Variants in NDUFAF2 observed in about 807,000 individuals in gnomAD.
The protein encoded by NDUFAF2 is NADH:ubiquinone oxidoreductase complex assembly factor 2, also known as NADH dehydrogenase [ubiquinone] 1 alpha subcomplex assembly factor 2.
NDUFAF2 carries 13 observed loss-of-function variants against 22.8 expected under a neutral mutation model. The ratio of observed to expected loss-of-function variants is 0.57; its 90% CI spans 0.37 to 0.91. The LOEUF is 0.91. Ranked by LOEUF, NDUFAF2 falls within the 40% of genes least tolerant of loss-of-function variation. NDUFAF2 has a pLI of 0.01. For synonymous variants in NDUFAF2, 53 were observed against 64.2 expected, an observed-to-expected ratio of 0.83 and a Z score of 0.84; for missense variants, 162 against 195.2, an observed-to-expected ratio of 0.83 and a Z score of 1.01.
intron 3 of NDUFAF2, among the ~76,000 whole-genome samples, chr5:61,141,933 A>G (rs1741066045): frequency 6.6e-6 from 1 of 152,124 alleles, no homozygotes; most frequent in Non-Finnish European, 1.5e-5. Context: ...AGCTCAATGA[A>G]TGTTAGCAAT....
At chr5:61,050,169 C>A (rs1752007130) in intron 1 of NDUFAF2, among the ~76,000 whole-genome samples, 1 of 151,996 alleles carries the variant, frequency 6.6e-6, no homozygotes, top group Non-Finnish European at 1.5e-5. Flanking sequence ...TGCCTTACTA[C>A]ATTATTTTAC....
chr5:61,110,549 G>A (rs866073746), intron 3 of NDUFAF2, among the ~76,000 whole-genome samples: 12 of 152,022 alleles, frequency 7.9e-5, no homozygotes, highest in African/African-American at 2.9e-4. Flanking sequence ...TTCAATCTCA[G>A]TAGGTTGTAT....
chr5:61,066,214 A>G (rs1752226313), intron 1 of NDUFAF2, among the ~76,000 whole-genome samples: 1 of 152,068 alleles, frequency 6.6e-6, no homozygotes, highest in Non-Finnish European at 1.5e-5. Flanking sequence ...AAGAACACAC[A>G]GATAAATGCA....
chr5:60,973,722 A>T (rs1487296644), intron 1 of NDUFAF2, among the ~76,000 whole-genome samples: 1 of 152,222 alleles, frequency 6.6e-6, no homozygotes, highest in Admixed American at 6.5e-5. Context: ...GTTAAATCAC[A>T]TGCATTCTTA....
At chr5:60,971,116 T>A (rs907566501) in intron 1 of NDUFAF2, among the ~76,000 whole-genome samples, 2 of 149,684 alleles carry the variant, frequency 1.3e-5, no homozygotes, top group African/African-American at 4.9e-5. Context: ...ATTTTAATAT[T>A]TGAATCACAA....
chr5:61,086,871 C>G (rs1318719500), intron 2 of NDUFAF2, among the ~76,000 whole-genome samples: 1 of 152,070 alleles, frequency 6.6e-6, no homozygotes, highest in Non-Finnish European at 1.5e-5. Flanking sequence ...CCATACATGT[C>G]TAACATCGAA....
chr5:60,952,529 A>G (rs756107692), intron 1 of NDUFAF2, among the ~76,000 whole-genome samples: 8 of 152,090 alleles, frequency 5.3e-5, no homozygotes, highest in Non-Finnish European at 7.4e-5. Flanking sequence ...GTTTAATTCT[A>G]TTATATTCAG....
chr5:61,049,217 A>G (rs1239052003), intron 1 of NDUFAF2, among the ~76,000 whole-genome samples: 1 of 152,072 alleles, frequency 6.6e-6, no homozygotes, highest in African/African-American at 2.4e-5. Context: ...TCCCTAGAGT[A>G]TGTAGTAATT....
chr5:61,000,277 T>C lies in NDUFAF2; in HGVS notation c.127+54895T>C, dbSNP rs1015203341. Among the ~76,000 whole-genome samples the C allele has an allele frequency of 5.9e-5, 9 of 152,208 alleles. No homozygotes were observed. The South Asian group carries it at 1.2e-3, about 21-fold the overall frequency. On this transcript the variant is annotated intron_variant, in intron 1 of 3. Coordinates refer to ENST00000296597, the MANE Select transcript of NDUFAF2 (RefSeq NM_174889.5). The stretch of plus-strand genomic sequence containing the variant: ...AGATTTAGTGTTCATTTGCCACATA[T>C]GGTTTCATTAATAGCAATTCAGCTT...
chr5:61,088,582 T>C (rs1752531893), intron 2 of NDUFAF2, among the ~76,000 whole-genome samples: 1 of 152,154 alleles, frequency 6.6e-6, no homozygotes, highest in Admixed American at 6.6e-5. Flanking sequence ...TTGAAATGGC[T>C]CACAGTATTT....
intron 1 of NDUFAF2, among the ~76,000 whole-genome samples, chr5:60,987,981 G>T (rs753961975): frequency 2.6e-5 from 4 of 152,138 alleles, no homozygotes; most frequent in Non-Finnish European, 5.9e-5. Context: ...GAGGAAGTCA[G>T]ACTATCCGTT....
At chr5:60,956,863 T>G (rs1044351337) in intron 1 of NDUFAF2, among the ~76,000 whole-genome samples, 1 of 152,172 alleles carries the variant, frequency 6.6e-6, no homozygotes, top group African/African-American at 2.4e-5. Flanking sequence ...TCCTGAATTT[T>G]ATATTTTATT....
At chr5:61,135,897 C>G (rs1326833421) in intron 3 of NDUFAF2, among the ~76,000 whole-genome samples, 1 of 150,440 alleles carries the variant, frequency 6.6e-6, no homozygotes, top group Non-Finnish European at 1.5e-5. Flanking sequence ...GCTTGAGGGT[C>G]TCACCATTTG....
intron 1 of NDUFAF2, among the ~76,000 whole-genome samples, chr5:61,045,283 A>G (rs1025327298): frequency 8.3e-5 from 12 of 144,688 alleles, no homozygotes; most frequent in African/African-American, 1.8e-4. Flanking sequence ...ATAAAATAAA[A>G]TTTTATTAAA....
intron 3 of NDUFAF2, among the ~76,000 whole-genome samples, chr5:61,111,481 G>C (rs532700041): frequency 1.0e-3 from 155 of 152,186 alleles, no homozygotes; most frequent in African/African-American, 3.6e-3. Flanking sequence ...CTGTCACCCA[G>C]GCTGCAGTGC....
intron 2 of NDUFAF2, among the ~76,000 whole-genome samples, chr5:61,096,624 A>G (rs1475002436): frequency 1.3e-5 from 2 of 150,396 alleles, no homozygotes; most frequent in South Asian, 2.1e-4. Context: ...AAAAATCTGT[A>G]CAAGTTTTGG....
chr5:60,962,112 C>T (rs1271906909), intron 1 of NDUFAF2, among the ~76,000 whole-genome samples: 3 of 151,126 alleles, frequency 2.0e-5, no homozygotes, highest in African/African-American at 7.3e-5. Context: ...ATATATACTT[C>T]GTGATTACCA....
intron 1 of NDUFAF2, among the ~76,000 whole-genome samples, chr5:61,000,141 A>G (rs1188809404): frequency 6.6e-6 from 1 of 152,162 alleles, no homozygotes; most frequent in African/African-American, 2.4e-5. Context: ...TTGACAGACT[A>G]TGGAATTTGT....
At chr5:61,103,564 T>C (rs995877709) in intron 3 of NDUFAF2, among the ~76,000 whole-genome samples, 10 of 152,126 alleles carry the variant, frequency 6.6e-5, no homozygotes, top group African/African-American at 2.4e-4. Context: ...ACTTATTCAT[T>C]TGTGTGTCAT....
Sources: gnomAD v4.1 joint callset for allele counts (sites outside exome capture counted in the v4.1 genomes callset) on GRCh38, gnomAD v4.1.1 for gene constraint, MANE v1.5 for transcripts, NCBI Gene and HGNC (gene_info 2026-07-23, HGNC 2026-07-21) for gene names.